Variants in INVS observed in about 807,000 individuals in gnomAD.
INVS encodes inversion of embryo turning homolog.
A neutral mutation model predicts 108.8 loss-of-function variants in INVS; 86 were observed. That is an observed-to-expected ratio of 0.79 (90% CI 0.66 to 0.95). INVS has a LOEUF of 0.95. INVS is among the 40% of genes least tolerant of loss of function. INVS has a pLI of 0.00. For missense variants in INVS, 1,169 were observed against 1,297.4 expected (o/e 0.90, Z 1.52); for synonymous variants, 455 against 473.5 (o/e 0.96, Z 0.51).
chr9:100,254,633 G>A (rs1465898406), intron 10 of INVS, among the ~76,000 whole-genome samples: 4 of 152,048 alleles, frequency 2.6e-5, no homozygotes, highest in South Asian at 2.1e-4. Context: ...CTTTCTACAT[G>A]TGGCTAGCCA....
chr9:100,252,542 C>G, intron 9 of INVS, 104 bp downstream of exon 9: 1 of 1,092,946 alleles, frequency 9.1e-7, no homozygotes, highest in Non-Finnish European at 1.4e-6. Flanking sequence ...TGCACAAGTA[C>G]AAGGATGAAG....
chr9:100,294,634 A>G (rs1833734423), intron 14 of INVS, among the ~76,000 whole-genome samples: 1 of 152,136 alleles, frequency 6.6e-6, no homozygotes, highest in Non-Finnish European at 1.5e-5. Flanking sequence ...GCTGACTCAA[A>G]TCCAAGGGCC....
rs373485994 is a variant in INVS at position 100,226,147 on chromosome 9, T to C, written c.359T>C (p.Leu120Ser). ...KDLEEMTPLH[L>S]TTRHRSPKCL... ...CTGGAAGAGATGACTCCTTTGCACT[T>C]GACCACCCGGCACAGGAGCCCTAAG... is the stretch of plus-strand genomic sequence containing the variant. Residue 120 changes from leucine (L) to serine (S), a missense_variant, in exon 4 of 17, where the codon TTG (leucine) becomes TCG (serine). Leu to Ser is a moderately radical substitution (Grantham distance 145, BLOSUM62 -2). Transcript: ENST00000262457. 1.2e-6 allele frequency: 2 copies of C among 1,613,920 alleles called. No individual in the cohort carries two copies. Among genetic ancestry groups the C allele is most frequent in the Non-Finnish European group, 1.7e-6 (2 of 1,179,958 alleles).
intron 1 of INVS, among the ~76,000 whole-genome samples, chr9:100,100,449 G>A (rs1390126182): frequency 1.4e-5 from 2 of 148,022 alleles, no homozygotes; most frequent in African/African-American, 5.0e-5. Context: ...ATTAAACTTT[G>A]ATCCTGCTCA....
At chr9:100,176,602 A>G (rs1035339506) in intron 3 of INVS, among the ~76,000 whole-genome samples, 4 of 151,932 alleles carry the variant, frequency 2.6e-5, no homozygotes, top group African/African-American at 9.7e-5. Flanking sequence ...TCAGCCTCCC[A>G]AGTAGCTAGG....
chr9:100,206,414 AG>A lies in INVS; in HGVS notation c.274-19647del, dbSNP rs769038476. ...TGATATAATCTCAAATTTACAGAAA[AG>A]TTTCAAGAACAGTACAAATAATTTT... On this transcript the variant is annotated intron_variant, in intron 3 of 16. Coordinates refer to ENST00000262457, the MANE Select transcript of INVS (RefSeq NM_014425.5). Among the ~76,000 whole-genome samples the A allele has an allele frequency of 1.6e-3, 246 of 152,160 alleles. 1 individual carries two copies. The highest frequency in any genetic ancestry group is 1.6e-3 in the Non-Finnish European group (111 of 67,976).
intron 3 of INVS, among the ~76,000 whole-genome samples, chr9:100,204,656 C>CA (rs957015094): frequency 1.2e-4 from 18 of 149,814 alleles, no homozygotes; most frequent in East Asian, 5.8e-4. Context: ...AAGGTGATCA[C>CA]AAAAAAAAAG....
intron 2 of INVS, among the ~76,000 whole-genome samples, chr9:100,109,696 A>T (rs1377465546): frequency 1.3e-5 from 2 of 151,776 alleles, no homozygotes; most frequent in African/African-American, 4.8e-5. Context: ...ATGGAGTTTC[A>T]CTCTTGTTGC....
At chr9:100,203,206 A>AT (rs376813692) in intron 3 of INVS, among the ~76,000 whole-genome samples, 10 of 151,692 alleles carry the variant, frequency 6.6e-5, no homozygotes, top group African/African-American at 1.9e-4. Context: ...AGAACTCTTG[A>AT]TTTTTTTTTA....
At chr9:100,295,015 G>T (rs1008409409) in intron 14 of INVS, among the ~76,000 whole-genome samples, 1 of 152,146 alleles carries the variant, frequency 6.6e-6, no homozygotes, top group Non-Finnish European at 1.5e-5. Flanking sequence ...CAAGACAGTC[G>T]GCCTCGAAAG....
intron 3 of INVS, among the ~76,000 whole-genome samples, chr9:100,191,624 C>A (rs1039186196): frequency 2.0e-5 from 3 of 152,102 alleles, no homozygotes; most frequent in African/African-American, 7.2e-5. Flanking sequence ...TTTCACCTTT[C>A]TCTTGCATCT....
intron 3 of INVS, among the ~76,000 whole-genome samples, chr9:100,225,299 C>G (rs552134034): frequency 6.6e-6 from 1 of 151,826 alleles, no homozygotes; most frequent in African/African-American, 2.4e-5. Flanking sequence ...CCACCCGCCT[C>G]GGCCTCCCAA....
At chr9:100,246,586 CTCCATTTTT>C in intron 7 of INVS, 21 bp from the exon 8 acceptor site, 1 of 1,549,846 alleles carries the variant, frequency 6.5e-7, no homozygotes, top group South Asian at 1.1e-5. Context: ...ACTGTTTTGT[CTCCATTTTT>C]TAAATCAAGT....
intron 16 of INVS, among the ~76,000 whole-genome samples, chr9:100,299,926 ATGTT>A (rs1833913819): frequency 1.3e-5 from 2 of 152,202 alleles, no homozygotes; most frequent in East Asian, 1.9e-4. Flanking sequence ...ATTGAGACAT[ATGTT>A]TGTTACTTTT....
At chr9:100,300,513 C>A in intron 16 of INVS, 55 bp from the exon 17 acceptor site, 1 of 1,196,896 alleles carries the variant, frequency 8.4e-7, no homozygotes, top group South Asian at 1.2e-5. Flanking sequence ...TGAACTATTC[C>A]CTTCAGCCTT....
At chr9:100,126,630 A>G (rs1310745241) in intron 3 of INVS, 81 bp downstream of exon 3, 9 of 1,326,712 alleles carry the variant, frequency 6.8e-6, no homozygotes, top group Non-Finnish European at 5.4e-6. Context: ...CAATGGACAG[A>G]TAATAAAGAA....
At chr9:100,248,330 T>C (rs1832111555) in intron 8 of INVS, among the ~76,000 whole-genome samples, 1 of 152,200 alleles carries the variant, frequency 6.6e-6, no homozygotes, top group Non-Finnish European at 1.5e-5. Flanking sequence ...ATATGCACCA[T>C]GGTTGAAGTT....
chr9:100,245,190 A>C lies in INVS; in HGVS notation c.907-1426A>C, dbSNP rs554879886. Among the ~76,000 whole-genome samples, 71 of 152,318 alleles carry C rather than the reference A, an allele frequency of 4.7e-4. No individual in the cohort carries two copies. The South Asian group carries it at 0.011, about 23-fold the overall frequency. ...GAGTCTGAGTTCAGAATAAAGAGGCAATTTAAAATGCTGGAATATTAACCC... is the reference window on the plus strand; with the variant it reads ...GAGTCTGAGTTCAGAATAAAGAGGCCATTTAAAATGCTGGAATATTAACCC... On this transcript the variant is annotated intron_variant, in intron 7 of 16. Transcript: ENST00000262457.
intron 13 of INVS, among the ~76,000 whole-genome samples, chr9:100,287,491 G>A (rs748880208): frequency 3.3e-5 from 5 of 152,166 alleles, no homozygotes; most frequent in Non-Finnish European, 5.9e-5. Flanking sequence ...CCACATGCAA[G>A]ATATTCTTAC....
Sources: gnomAD v4.1 joint callset for allele counts (sites outside exome capture counted in the v4.1 genomes callset) on GRCh38, gnomAD v4.1.1 for gene constraint, MANE v1.5 for transcripts, NCBI Gene and HGNC (gene_info 2026-07-23, HGNC 2026-07-21) for gene names.